TTN: variants seen among roughly 807,000 people sequenced by gnomAD.
TTN encodes the protein connectin.
In TTN, 1,525 loss-of-function variants were observed where a neutral mutation model predicts 3,223.0. That is an observed-to-expected ratio of 0.47 (90% CI 0.45 to 0.49). The LOEUF (loss-of-function observed/expected upper bound fraction) is 0.49, where lower values mean the gene tolerates loss of function less well. Ranked by LOEUF, TTN falls within the 20% of genes least tolerant of loss-of-function variation. TTN has a pLI of 0.00. For synonymous variants in TTN, 14,094 were observed against 15,161.0 expected, an observed-to-expected ratio of 0.93 and a Z score of 5.17; for missense variants, 40,786 against 43,424.0, an observed-to-expected ratio of 0.94 and a Z score of 5.40.
intron 47 of TTN, chr2:178,746,549 G>C (rs2083613496): frequency 6.2e-7 from 1 of 1,613,032 alleles, no homozygotes; most frequent in South Asian, 1.1e-5. Context: ...TGTTACTGGA[G>C]GTGGTAGTGC....
rs745913661 is a variant in TTN, at chr2:178,718,842, G to A, written c.24358C>T (p.Pro8120Ser). 48 of 1,613,660 alleles carry A rather than the reference G, an allele frequency of 3.0e-5. No individual in the cohort carries two copies. In the East Asian group the frequency reaches 1.1e-3, roughly 36 times the overall value. The change falls in exon 84 of 363, where the codon CCT (proline) becomes TCT (serine). Residue 8120 changes from proline (P) to serine (S), a missense_variant. Pro to Ser is a moderately conservative substitution (Grantham distance 74, BLOSUM62 -1). Coordinates refer to ENST00000589042, the MANE Select transcript of TTN (RefSeq NM_001267550.2). The stretch of plus-strand genomic sequence containing the variant: ...AGAGAGATGTTGCATGACTCCCCAG[G>A]CACCAGTTCCCTGCTGCCTTTAAAC... Reference protein sequence around the residue: ...KWFKGSRELVPGESCNISLED... With the variant: ...KWFKGSRELVSGESCNISLED...
Position 178,764,245 on chromosome 2 carries a change from G to GTGA in TTN, c.10043_10045dup (p.Ile3348dup), listed in dbSNP as rs2089951214. 1 of 1,614,006 alleles carries GTGA rather than the reference G, an allele frequency of 6.2e-7. No homozygotes were observed. The highest frequency in any genetic ancestry group is 2.2e-5 in the East Asian group (1 of 44,872). On this transcript the variant is annotated inframe_insertion, in exon 43 of 363. Coordinates refer to ENST00000589042, the MANE Select transcript of TTN (RefSeq NM_001267550.2). ...AGAAGTGACAGTGTCCTGAAGCGGG[G>GTGA]TGATGATGGCAGGTGGATAAACAGG...
chr2:178,782,896 C>T lies in TTN; in HGVS notation c.3010G>A (p.Glu1004Lys), dbSNP rs200902055. ...QSGIARLMIR[E>K]AFAEDSGRFT... is the part of the protein sequence containing the mutation. ...CGCCCGCTGTCTTCCGCAAATGCTT[C>T]GCGAATCATAAGACGAGCAATTCCA... The change falls in exon 18 of 363, where the codon GAA (glutamate) becomes AAA (lysine). Residue 1004 changes from glutamate to lysine, a missense_variant. Physicochemically the swap from Glu to Lys is moderately conservative, Grantham distance 56. Coordinates refer to ENST00000589042, the MANE Select transcript of TTN (RefSeq NM_001267550.2). 98 of 1,613,922 alleles carry T rather than the reference C, an allele frequency of 6.1e-5. No individual in the cohort carries two copies. The highest frequency in any genetic ancestry group is 4.7e-4 in the Admixed American group (28 of 60,000).
intron 218 of TTN, among the ~76,000 whole-genome samples, chr2:178,643,089 A>G (rs538745273): frequency 6.6e-5 from 10 of 152,100 alleles, no homozygotes; most frequent in Admixed American, 1.3e-4. Context: ...GAATGGTGAA[A>G]GAAAGGAACA....
Position 178,782,814 on chromosome 2 carries a change from G to A in TTN, c.3092C>T (p.Ala1031Val). 6.2e-7 allele frequency: 1 copy of A among 1,612,912 alleles called. No homozygotes were observed. The highest frequency in any genetic ancestry group is 8.5e-7 in the Non-Finnish European group (1 of 1,179,850). The change falls in exon 18 of 363, where the codon GCT (alanine) becomes GTT (valine). Residue 1031 changes from alanine to valine, a missense_variant. Physicochemically the swap from Ala to Val is moderately conservative, Grantham distance 64. Coordinates refer to ENST00000589042, the MANE Select transcript of TTN (RefSeq NM_001267550.2). ...AGTVSTSCYL[A>V]VQVSEEFEKE... ...GGAGGGTGGCCACTAACCCTGCACA[G>A]CCAGATAGCAGGATGTGCTGACGGT...
Position 178,599,412 on chromosome 2 carries a change from A to AGGTGGAAACCAAGATAGTGTC in TTN, c.56380_56381insGACACTATCTTGGTTTCCACC (p.Phe18794delinsTer). 6.4e-7 allele frequency: 1 copy of AGGTGGAAACCAAGATAGTGTC among 1,558,400 alleles called. No homozygotes were observed. Among genetic ancestry groups the AGGTGGAAACCAAGATAGTGTC allele is most frequent in the South Asian group, 1.3e-5 (1 of 79,968 alleles). ...CATTTGATCTGCTGAAACAGATTCAAATTTTATGGGTCCCACTGGAGGGCC... is the reference window on the plus strand; with the variant it reads ...CATTTGATCTGCTGAAACAGATTCAAGGTGGAAACCAAGATAGTGTCATTTTATGGGTCCCACTGGAGGGCC... On this transcript the variant is annotated stop_gained, in exon 290 of 363. Coordinates refer to ENST00000589042, the MANE Select transcript of TTN (RefSeq NM_001267550.2). LOFTEE classifies it high-confidence loss of function.
Position 178,635,706 on chromosome 2 carries a change from C to T in TTN, c.41618G>A (p.Arg13873Lys). 6.3e-7 allele frequency: 1 copy of T among 1,598,038 alleles called. No individual in the cohort carries two copies. Among genetic ancestry groups the T allele is most frequent in the Non-Finnish European group, 8.5e-7 (1 of 1,172,298 alleles). The change falls in exon 227 of 363, where the codon AGA becomes AAA. Residue 13873 changes from arginine to lysine, a missense_variant. Coordinates refer to ENST00000589042, the MANE Select transcript of TTN (RefSeq NM_001267550.2). The part of the protein sequence containing the change: ...SSCVKVVEVI[R>K]DWLVKPIRDQ... ...TCGTATAGGTTTCACCAGCCAATCT[C>T]TAATGACTTCTATATGAAAATAAGA... is the stretch of plus-strand genomic sequence containing the variant.
At position 178,552,439 on chromosome 2, in the gene TTN, G is replaced by C; in HGVS notation, c.90461C>G (p.Pro30154Arg). 1 of 1,603,010 alleles carries C rather than the reference G, an allele frequency of 6.2e-7. No homozygotes were observed. Among genetic ancestry groups the C allele is most frequent in the Non-Finnish European group, 8.5e-7 (1 of 1,171,856 alleles). ...GGATGGTTTGGGTTTTCCCTTATAA[G>C]GTAATTCAAGGTGCACATTGTGCCC... ...RIGHNVHLEL[P>R]YKGKPKPSIS... Residue 30154 changes from proline to arginine, a missense_variant, in exon 335 of 363, where the codon CCT becomes CGT. Physicochemically the swap from Pro to Arg is moderately radical, Grantham distance 103 (BLOSUM62 -2). Coordinates refer to ENST00000589042, the MANE Select transcript of TTN (RefSeq NM_001267550.2).
Position 178,595,635 on chromosome 2 carries a change from CG to C in TTN, c.57718del (p.Arg19240AspfsTer43). ...GAGACCCTGGACAGTAGCATTTTGT[CG>C]GGTAACTGTATATGTCACTGGGGTC... ...AWTPVTYTVTRQNATVQGLIQ... is the reference protein window; with the variant it reads ...AWTPVTYTVTXQNATVQGLIQ... On this transcript the variant is annotated frameshift_variant, in exon 295 of 363. Transcript: ENST00000589042. LOFTEE classifies it high-confidence loss of function. The C allele has an allele frequency of 6.2e-7, 1 of 1,604,768 alleles. No individual in the cohort carries two copies. Among genetic ancestry groups the C allele is most frequent in the South Asian group, 1.1e-5 (1 of 89,174 alleles).
In TTN at chr2:178,528,811, T is replaced by C; in HGVS notation, c.106940A>G (p.Asn35647Ser). 1.9e-6 allele frequency: 3 copies of C among 1,613,730 alleles called. No individual in the cohort carries two copies. Among genetic ancestry groups the C allele is most frequent in the Non-Finnish European group, 2.5e-6 (3 of 1,179,764 alleles). Residue 35647 changes from asparagine to serine, a missense_variant, in exon 360 of 363, where the codon AAC becomes AGC. Transcript: ENST00000589042. ...GACACCATATCGGTACTCCTCAGAG[T>C]TGGTAAGCTCTACGCCATTCAGTAC... is the stretch of plus-strand genomic sequence containing the variant. The part of the protein sequence containing the change: ...KWVLNGVELT[N>S]SEEYRYGVSG...
chr2:178,578,959 A>T lies in TTN; in HGVS notation c.68071T>A (p.Trp22691Arg). 1 of 1,613,158 alleles carries T rather than the reference A, an allele frequency of 6.2e-7. No individual in the cohort carries two copies. Among genetic ancestry groups the T allele is most frequent in the Non-Finnish European group, 8.5e-7 (1 of 1,179,466 alleles). Residue 22691 changes from tryptophan to arginine, a missense_variant, in exon 320 of 363, where the codon TGG becomes AGG. Trp to Arg is a moderately radical substitution (Grantham distance 101). Transcript: ENST00000589042. ...LEKRDSVNNKWVTCASAVQKT... is the reference protein window; with the variant it reads ...LEKRDSVNNKRVTCASAVQKT... Reference sequence around the variant, plus strand: ...TGGACAGCTGAGGCGCACGTCACCCACTTGTTGTTCACAGAATCCCTCTTC... The same window carrying T: ...TGGACAGCTGAGGCGCACGTCACCCTCTTGTTGTTCACAGAATCCCTCTTC...
chr2:178,592,696 C>T, intron 300 of TTN, 36 bp from the exon 301 acceptor site: 2 of 1,611,606 alleles, frequency 1.2e-6, no homozygotes, highest in Non-Finnish European at 1.7e-6. Context: ...AGATTTGATC[C>T]ATAATGCAGA....
chr2:178,667,259 A>G lies in TTN; in HGVS notation c.35774T>C (p.Ile11925Thr), dbSNP rs765656469. The G allele has an allele frequency of 2.5e-6, 4 of 1,603,974 alleles. No individual in the cohort carries two copies. Among genetic ancestry groups the G allele is most frequent in the Non-Finnish European group, 3.4e-6 (4 of 1,175,312 alleles). Reference sequence around the variant, plus strand: ...ACCTTCAGTTGGAGGATGTTCTGGAATTTCAGGAATAGCCTCAGGTGGCTC... The same window carrying G: ...ACCTTCAGTTGGAGGATGTTCTGGAGTTTCAGGAATAGCCTCAGGTGGCTC... ...EVEPPEAIPE[I>T]PEHPPTEEFE... Residue 11925 changes from isoleucine (I) to threonine (T), a missense_variant, in exon 162 of 363, where the codon ATT (isoleucine) becomes ACT (threonine). By Grantham distance (89) the Ile-to-Thr change is moderately conservative. Transcript: ENST00000589042.
Position 178,607,082 on chromosome 2 carries a change from C to G in TTN, c.53520G>C (p.Lys17840Asn). ...CAGGAGGGCCACAGCCAAACTTGTT[C>G]TTGGCAATAACACGGAACTTATATT... ...GQEYKFRVIA[K>N]NKFGCGPPVE... The change falls in exon 278 of 363, where the codon AAG (lysine) becomes AAC (asparagine). Residue 17840 changes from lysine to asparagine, a missense_variant. Lys to Asn is a moderately conservative substitution (Grantham distance 94, BLOSUM62 0). Coordinates refer to ENST00000589042, the MANE Select transcript of TTN (RefSeq NM_001267550.2). 1 of 1,612,244 alleles carries G rather than the reference C, an allele frequency of 6.2e-7. No individual in the cohort carries two copies. Among genetic ancestry groups the G allele is most frequent in the South Asian group, 1.1e-5 (1 of 90,702 alleles).
Position 178,679,593 on chromosome 2 carries a change from G to C in TTN, c.33664+6C>G, listed in dbSNP as rs1060500524. On this transcript the variant is annotated splice_donor_region_variant and intron_variant, in intron 141 of 362. Transcript: ENST00000589042. ...CTTAGATACCCGTCAATGAATGGTG[G>C]TGTACCTTTTGCCGGTGGAGCTTCC... The C allele has an allele frequency of 1.2e-6, 2 of 1,609,456 alleles. No individual in the cohort carries two copies. The highest frequency in any genetic ancestry group is 1.3e-5 in the African/African-American group (1 of 74,426).
chr2:178,564,873 C>T lies in TTN; in HGVS notation c.81259G>A (p.Asp27087Asn). 1 of 1,612,544 alleles carries T rather than the reference C, an allele frequency of 6.2e-7. No homozygotes were observed. Residue 27087 changes from aspartate to asparagine, a missense_variant, in exon 326 of 363, where the codon GAT becomes AAT. Coordinates refer to ENST00000589042, the MANE Select transcript of TTN (RefSeq NM_001267550.2). ...TCATGCCATTGCACAAGCATCTGATCTTTTGAGATTGATGTCACAAAAGGA... is the reference window on the plus strand; with the variant it reads ...TCATGCCATTGCACAAGCATCTGATTTTTTGAGATTGATGTCACAAAAGGA... ...GTPFVTSISK[D>N]QMLVQWHEPV...
rs1191756557 is a variant in TTN, at chr2:178,571,484, A to G, written c.74648T>C (p.Ile24883Thr). The change falls in exon 326 of 363, where the codon ATT (isoleucine) becomes ACT (threonine). Residue 24883 changes from isoleucine (I) to threonine (T), a missense_variant. Ile to Thr is a moderately conservative substitution (Grantham distance 89). Transcript: ENST00000589042. ...LKTGCEYQFRIAAENRYGKST... is the reference protein window; with the variant it reads ...LKTGCEYQFRTAAENRYGKST... Reference sequence around the variant, plus strand: ...CTTCCCATATCTGTTTTCAGCTGCAATTCTAAACTGATATTCACATCCAGT... The same window carrying G: ...CTTCCCATATCTGTTTTCAGCTGCAGTTCTAAACTGATATTCACATCCAGT... The G allele has an allele frequency of 1.9e-6, 3 of 1,613,330 alleles. No individual in the cohort carries two copies. Among genetic ancestry groups the G allele is most frequent in the East Asian group, 2.2e-5 (1 of 44,700 alleles).
Position 178,527,464 on chromosome 2 carries a change from G to A in TTN, c.107662C>T (p.Leu35888Phe). 2 of 1,613,624 alleles carry A rather than the reference G, an allele frequency of 1.2e-6. No individual in the cohort carries two copies. The highest frequency in any genetic ancestry group is 2.2e-5 in the South Asian group (2 of 91,080). ...TQLESSTSKM[L>F]KAGIRGIPPK... ...TGCTCACCTCTTATGCCTGCTTTAA[G>A]CATTTTACTAGTTGAGCTTTCCAGT... The change falls in exon 362 of 363, where the codon CTT (leucine) becomes TTT (phenylalanine). Residue 35888 changes from leucine (L) to phenylalanine (F), a missense_variant. By Grantham distance (22) the Leu-to-Phe change is conservative. Transcript: ENST00000589042.
intron 358 of TTN, 22 bp from the exon 359 acceptor site, chr2:178,530,138 T>G: frequency 6.4e-7 from 1 of 1,571,202 alleles, no homozygotes; most frequent in South Asian, 1.2e-5. Flanking sequence ...AAATGATTTG[T>G]GTTTTAAAAA....
Sources: gnomAD v4.1 joint callset for allele counts (sites outside exome capture counted in the v4.1 genomes callset) on GRCh38, gnomAD v4.1.1 for gene constraint, MANE v1.5 for transcripts, NCBI Gene and HGNC (gene_info 2026-07-23, HGNC 2026-07-21) for gene names.